Variants in HIVEP1 observed in about 807,000 individuals in gnomAD.
The protein encoded by HIVEP1 is HIVEP zinc finger 1.
HIVEP1 carries 36 observed loss-of-function variants against 180.0 expected under a neutral mutation model. The ratio of observed to expected loss-of-function variants is 0.20; its 90% CI spans 0.15 to 0.26. HIVEP1 has a LOEUF of 0.26. HIVEP1 is among the 10% of genes least tolerant of loss of function. HIVEP1 has a pLI of 1.00. For synonymous variants in HIVEP1, 1,239 were observed against 1,239.0 expected (o/e 1.00, Z 0.00); for missense variants, 3,143 against 3,268.7 (o/e 0.96, Z 0.94).
At chr6:12,089,305 T>C (rs1299953988) in intron 3 of HIVEP1, 68 bp downstream of exon 3, 3 of 847,126 alleles carry the variant, frequency 3.5e-6, no homozygotes. Flanking sequence ...ACCTCATAAA[T>C]GTAGCCTTAT....
chr6:12,019,331 C>T (rs1198245009), intron 2 of HIVEP1, among the ~76,000 whole-genome samples: 1 of 152,116 alleles, frequency 6.6e-6, no homozygotes, highest in Non-Finnish European at 1.5e-5. Flanking sequence ...GACTCGAGCC[C>T]TGGGAAGGAT....
chr6:12,190,977 C>G, the HIVEP1 span, among the ~76,000 whole-genome samples: 1 of 152,074 alleles, frequency 6.6e-6, no homozygotes. Flanking sequence ...CAAATATTTT[C>G]TACTGCTTTC....
intron 1 of HIVEP1, among the ~76,000 whole-genome samples, chr6:12,014,218 G>A (rs566220107): frequency 1.3e-5 from 2 of 152,276 alleles, no homozygotes; most frequent in Middle Eastern, 3.4e-3. Flanking sequence ...AACCCACTCC[G>A]GTTTGACACC....
chr6:12,119,123 CA>C (rs996573095), intron 3 of HIVEP1, among the ~76,000 whole-genome samples: 1 of 152,168 alleles, frequency 6.6e-6, no homozygotes, highest in African/African-American at 2.4e-5. Flanking sequence ...AGATTAATGG[CA>C]AGGCAGCCAT....
intron 7 of HIVEP1, among the ~76,000 whole-genome samples, chr6:12,145,322 A>T (rs1460961732): frequency 6.6e-6 from 1 of 152,146 alleles, no homozygotes; most frequent in African/African-American, 2.4e-5. Context: ...GAACAATGAG[A>T]ACACTTGAAC....
At chr6:12,026,997 GTTTTTGTAAATAAAGT>G (rs1018983286) in intron 2 of HIVEP1, among the ~76,000 whole-genome samples, 2 of 152,110 alleles carry the variant, frequency 1.3e-5, no homozygotes, top group Non-Finnish European at 2.9e-5. Context: ...TCCTCCACCT[GTTTTTGTAAATAAAGT>G]TTTATAGAAA....
chr6:12,189,652 T>C, the HIVEP1 span, among the ~76,000 whole-genome samples: 5 of 152,178 alleles, frequency 3.3e-5, no homozygotes, highest in Non-Finnish European at 5.9e-5. Context: ...GAGTAATAAT[T>C]AATTTCATGT....
At chr6:12,032,194 G>C (rs1768997022) in intron 2 of HIVEP1, among the ~76,000 whole-genome samples, 1 of 145,828 alleles carries the variant, frequency 6.9e-6, no homozygotes, top group Admixed American at 6.9e-5. Context: ...AGGCTGGAGT[G>C]TAGTGGCGCG....
chr6:12,043,533 A>G (rs2113689300), intron 2 of HIVEP1, among the ~76,000 whole-genome samples: 1 of 151,770 alleles, frequency 6.6e-6, no homozygotes, highest in Middle Eastern at 3.4e-3. Flanking sequence ...CAGCCAGCTA[A>G]TTTTTGTATT....
At chr6:12,077,240 C>T (rs1317705889) in intron 2 of HIVEP1, among the ~76,000 whole-genome samples, 1 of 152,058 alleles carries the variant, frequency 6.6e-6, no homozygotes, top group Non-Finnish European at 1.5e-5. Flanking sequence ...TGTGTCATAT[C>T]AGATTAGGTT....
intron 7 of HIVEP1, among the ~76,000 whole-genome samples, chr6:12,160,733 G>A (rs1237026389): frequency 6.6e-6 from 1 of 152,228 alleles, no homozygotes; most frequent in Non-Finnish European, 1.5e-5. Flanking sequence ...GTGACTGCCT[G>A]TCCACGGTTA....
At chr6:12,071,785 G>A (rs1469475551) in intron 2 of HIVEP1, among the ~76,000 whole-genome samples, 2 of 152,150 alleles carry the variant, frequency 1.3e-5, no homozygotes, top group Non-Finnish European at 1.5e-5. Flanking sequence ...CTAAGATTTA[G>A]GGTTGTATGA....
chr6:12,078,838 T>C (rs1440998663), intron 2 of HIVEP1, among the ~76,000 whole-genome samples: 1 of 151,628 alleles, frequency 6.6e-6, no homozygotes, highest in Non-Finnish European at 1.5e-5. Flanking sequence ...GTTTGTTTTG[T>C]TTTTTTTAAG....
At chr6:12,036,545 G>C (rs1769287253) in intron 2 of HIVEP1, among the ~76,000 whole-genome samples, 1 of 152,200 alleles carries the variant, frequency 6.6e-6, no homozygotes, top group Non-Finnish European at 1.5e-5. Flanking sequence ...GGGATGCACA[G>C]CCCCTTGGGT....
At chr6:12,146,600 C>T (rs1484898449) in intron 7 of HIVEP1, among the ~76,000 whole-genome samples, 1 of 151,962 alleles carries the variant, frequency 6.6e-6, no homozygotes, top group Non-Finnish European at 1.5e-5. Flanking sequence ...GTGATAATGG[C>T]ATTTGTTTAT....
intron 2 of HIVEP1, among the ~76,000 whole-genome samples, chr6:12,060,479 C>A (rs1280404176): frequency 6.6e-6 from 1 of 152,176 alleles, no homozygotes. Flanking sequence ...AAAACCTTGA[C>A]TTTTCTAAAT....
intron 2 of HIVEP1, among the ~76,000 whole-genome samples, chr6:12,016,693 T>G (rs1767773439): frequency 6.6e-6 from 1 of 152,230 alleles, no homozygotes; most frequent in Non-Finnish European, 1.5e-5. Flanking sequence ...ATGATTGTAG[T>G]AACCAGTGTT....
At chr6:12,117,508 AAGTACAAGGTTAC>A (rs1279622639) in intron 3 of HIVEP1, among the ~76,000 whole-genome samples, 3 of 152,242 alleles carry the variant, frequency 2.0e-5, no homozygotes, top group Admixed American at 6.5e-5. Flanking sequence ...ATTTTCTTTT[AAGTACAAGGTTAC>A]AGTTTTTGTT....
chr6:12,168,195 T>TATATATACATATATATAC (rs1554161515), downstream of HIVEP1, among the ~76,000 whole-genome samples: 24 of 42,982 alleles, frequency 5.6e-4, 1 homozygote, highest in African/African-American at 2.1e-3. Flanking sequence ...GATATACGTG[T>TATATATACATATATATAC]ATATATACAT....
Sources: allele counts gnomAD v4.1 joint callset (sites outside exome capture counted in the v4.1 genomes callset), GRCh38; gene constraint gnomAD v4.1.1; transcripts MANE v1.5; gene names NCBI Gene and HGNC (gene_info 2026-07-23, HGNC 2026-07-21).